The following SALL3 variants were observed in gnomAD, a reference collection of about 807,000 sequenced individuals.
SALL3 encodes the protein spalt like transcription factor 3.
SALL3 carries 25 observed loss-of-function variants against 66.2 expected under a neutral mutation model. The observed-to-expected ratio is 0.38, with a 90% CI of 0.28 to 0.53. The LOEUF is 0.53. Among genes scored for constraint, SALL3 ranks in the 20% least tolerant of loss-of-function variants. The pLI, the probability that SALL3 is intolerant of heterozygous loss-of-function variation, is 0.85. For synonymous variants in SALL3, 1,152 were observed against 899.1 expected, an observed-to-expected ratio of 1.28 and a Z score of -5.03; for missense variants, 2,194 against 1,916.5, an observed-to-expected ratio of 1.14 and a Z score of -2.70.
In SALL3 at chr18:78,998,112, C is replaced by T. The variant is rs567847953; in HGVS notation, c.*790C>T. ...AGCCCAATAACTGGGGAACGAGTTACAGACAAACATCACCGTAAATGACTC... is the reference window on the plus strand; with the variant it reads ...AGCCCAATAACTGGGGAACGAGTTATAGACAAACATCACCGTAAATGACTC... On this transcript the variant is annotated 3_prime_UTR_variant, in exon 3 of 3. Transcript: ENST00000537592. 1 of 150,522 alleles carries T rather than the reference C, an allele frequency of 6.6e-6. No individual in the cohort carries two copies. Among genetic ancestry groups the T allele is most frequent in the African/African-American group, 2.5e-5 (1 of 40,682 alleles). The allele number at this position is 150,522 out of a possible 1,614,324, so 9.3% of individuals were successfully genotyped here. A position where few individuals can be genotyped will look rare whatever the true frequency, so the allele number is the denominator to read the frequency against.
Position 78,993,719 on chromosome 18 carries a change from C to A in SALL3, c.1728C>A (p.Gly576=), listed in dbSNP as rs761787389. ...LSPGLNHVES[G]VSATAESPQS... is the part of the protein sequence containing the mutation. Reference sequence around the variant, plus strand: ...CAGGCCTCAACCACGTGGAGTCCGGCGTGTCGGCCACCGCCGAGTCCCCAC... The same window carrying A: ...CAGGCCTCAACCACGTGGAGTCCGGAGTGTCGGCCACCGCCGAGTCCCCAC... Residue 576 remains glycine, a synonymous_variant, in exon 2 of 3, where the codon GGC becomes GGA. Transcript: ENST00000537592. 1.3e-6 allele frequency: 2 copies of A among 1,554,554 alleles called. No homozygotes were observed. Among genetic ancestry groups the A allele is most frequent in the African/African-American group, 1.4e-5 (1 of 73,638 alleles).
chr18:78,982,181 G>A (rs1411760666), intron 1 of SALL3, among the ~76,000 whole-genome samples: 1 of 152,216 alleles, frequency 6.6e-6, no homozygotes, highest in Non-Finnish European at 1.5e-5. Context: ...TAGTGTAAAC[G>A]TGTGGAGGGC....
chr18:78,981,398 G>A lies in SALL3; in HGVS notation c.82+1042G>A, dbSNP rs541447184. 3.3e-5 allele frequency among the ~76,000 whole-genome samples: 5 copies of A among 152,342 alleles called. No individual in the cohort carries two copies. In the South Asian group the frequency reaches 1.0e-3, roughly 32 times the overall value. On this transcript the variant is annotated intron_variant, in intron 1 of 2. Transcript: ENST00000537592. ...ATTTGCTCCTTAAAAAAACAGGCAG[G>A]CCAACTTTTATGATTGACCTGTTAT...
In SALL3 at chr18:78,994,534, A is replaced by G; in HGVS notation, c.2543A>G (p.Lys848Arg). Residue 848 changes from lysine to arginine, a missense_variant, in exon 2 of 3, where the codon AAG (lysine) becomes AGG (arginine). Transcript: ENST00000537592. ...ATTGCCGCCCTGGAGAACCAGATGA[A>G]GATGATCGACTCGGTCATGAGCTGC... ...SSIAALENQM[K>R]MIDSVMSCQQ... 3 of 1,611,234 alleles carry G rather than the reference A, an allele frequency of 1.9e-6. No individual in the cohort carries two copies. Among genetic ancestry groups the G allele is most frequent in the Non-Finnish European group, 2.5e-6 (3 of 1,179,480 alleles).
At position 78,996,942 on chromosome 18, in the gene SALL3, C is replaced by G. The variant is rs756550099; in HGVS notation, c.3523C>G (p.Arg1175Gly). 6.2e-7 allele frequency: 1 copy of G among 1,613,318 alleles called. No homozygotes were observed. Among genetic ancestry groups the G allele is most frequent in the South Asian group, 1.1e-5 (1 of 91,076 alleles). ...TAACGCCCCCGCGAGACGCGGCCGC[C>G]GCCTGTCTGTGGAGAACCCCATGGC... is the stretch of plus-strand genomic sequence containing the variant. ...WNNAPARRGR[R>G]LSVENPMALL... The change falls in exon 3 of 3, where the codon CGC (arginine) becomes GGC (glycine). Residue 1175 changes from arginine to glycine, a missense_variant. By Grantham distance (125) the Arg-to-Gly change is moderately radical. Coordinates refer to ENST00000537592, the MANE Select transcript of SALL3 (RefSeq NM_171999.4).
chr18:78,986,800 T>C (rs1405983432), intron 1 of SALL3, among the ~76,000 whole-genome samples: 1 of 152,198 alleles, frequency 6.6e-6, no homozygotes, highest in Non-Finnish European at 1.5e-5. Flanking sequence ...GCAGCAAAAG[T>C]GTATTGAAGG....
At chr18:78,986,311 G>A (rs1466009409) in intron 1 of SALL3, among the ~76,000 whole-genome samples, 1 of 152,220 alleles carries the variant, frequency 6.6e-6, no homozygotes, top group Non-Finnish European at 1.5e-5. Flanking sequence ...CCATGGCGTC[G>A]ACGCGCGGGA....
chr18:78,981,026 G>C (rs1462954606), intron 1 of SALL3, among the ~76,000 whole-genome samples: 4 of 152,210 alleles, frequency 2.6e-5, no homozygotes, highest in Non-Finnish European at 4.4e-5. Context: ...TCGTTGCAGC[G>C]TCTGCGCGGG....
Position 78,993,535 on chromosome 18 carries a change from G to A in SALL3, c.1544G>A (p.Ser515Asn). ...AAGCCCGTGACCACCTGGCTGGACA[G>A]CAAGCCCGTGCTGCCCACCGTGCCC... Reference protein sequence around the residue: ...PEKPVTTWLDSKPVLPTVPTS... With the variant: ...PEKPVTTWLDNKPVLPTVPTS... Residue 515 changes from serine (S) to asparagine (N), a missense_variant, in exon 2 of 3, where the codon AGC becomes AAC. Coordinates refer to ENST00000537592, the MANE Select transcript of SALL3 (RefSeq NM_171999.4). 2 of 1,594,628 alleles carry A rather than the reference G, an allele frequency of 1.3e-6. No individual in the cohort carries two copies. Among genetic ancestry groups the A allele is most frequent in the Non-Finnish European group, 1.7e-6 (2 of 1,173,674 alleles).
rs1914597995 is a variant in SALL3 at position 78,994,351 on chromosome 18, A to G, written c.2360A>G (p.Asp787Gly). 1 of 1,613,536 alleles carries G rather than the reference A, an allele frequency of 6.2e-7. No homozygotes were observed. ...DAMDSELAYDDKNAETLSSYD... is the reference protein window; with the variant it reads ...DAMDSELAYDGKNAETLSSYD... ...ATGGACTCCGAGCTGGCCTACGACG[A>G]CAAGAACGCGGAGACCCTGAGCAGC... The change falls in exon 2 of 3, where the codon GAC becomes GGC. Residue 787 changes from aspartate (D) to glycine (G), a missense_variant. Physicochemically the swap from Asp to Gly is moderately conservative, Grantham distance 94 (BLOSUM62 -1). Coordinates refer to ENST00000537592, the MANE Select transcript of SALL3 (RefSeq NM_171999.4).
At chr18:78,985,332 A>G (rs1207224287) in intron 1 of SALL3, among the ~76,000 whole-genome samples, 3 of 152,192 alleles carry the variant, frequency 2.0e-5, no homozygotes, top group Non-Finnish European at 4.4e-5. Context: ...GTTCTTAAAG[A>G]AGAAGAGAAA....
chr18:78,997,481 T>C lies in SALL3; in HGVS notation c.*159T>C, dbSNP rs1169666160. On this transcript the variant is annotated 3_prime_UTR_variant, in exon 3 of 3. Coordinates refer to ENST00000537592, the MANE Select transcript of SALL3 (RefSeq NM_171999.4). The stretch of plus-strand genomic sequence containing the variant: ...TGGTCTTGTAAGCGCTGCATGGCGC[T>C]CCCTTCAACAGCAAGCCTGACTGTT... 4 of 657,274 alleles carry C rather than the reference T, an allele frequency of 6.1e-6. No homozygotes were observed. Among genetic ancestry groups the C allele is most frequent in the Non-Finnish European group, 1.0e-5 (4 of 387,436 alleles). 40.7% of individuals were successfully genotyped at this position (657,274 alleles called of 1,614,324 possible).
At chr18:78,985,544 G>A (rs997537057) in intron 1 of SALL3, among the ~76,000 whole-genome samples, 1 of 152,154 alleles carries the variant, frequency 6.6e-6, no homozygotes, top group African/African-American at 2.4e-5. Context: ...TTTCCAGGAT[G>A]ATTTTTTGCA....
At chr18:78,995,549 G>A (rs2741978) in intron 2 of SALL3, 87 bp downstream of exon 2, 4 of 1,468,698 alleles carry the variant, frequency 2.7e-6, no homozygotes, top group South Asian at 1.4e-5. Flanking sequence ...CACAGCGGCC[G>A]AGGTCCTGCT....
chr18:78,988,539 TCAGTC>T (rs1449013748), intron 1 of SALL3, among the ~76,000 whole-genome samples: 3 of 152,244 alleles, frequency 2.0e-5, no homozygotes, highest in African/African-American at 7.2e-5. Flanking sequence ...TACAACCAGT[TCAGTC>T]AAGTGCTTAC....
chr18:78,982,593 C>T (rs1004899132), intron 1 of SALL3, among the ~76,000 whole-genome samples: 4 of 152,130 alleles, frequency 2.6e-5, no homozygotes, highest in Non-Finnish European at 5.9e-5. Flanking sequence ...GTGTATTACT[C>T]GGTCGCACTC....
At chr18:78,983,807 C>G (rs1384107437) in intron 1 of SALL3, among the ~76,000 whole-genome samples, 2 of 152,114 alleles carry the variant, frequency 1.3e-5, no homozygotes, top group Non-Finnish European at 2.9e-5. Context: ...TTCTCTGAAA[C>G]ATGAAAGGTA....
rs376157992 is a variant in SALL3, at chr18:78,996,877, C to G, written c.3472-14C>G. 8.8e-6 allele frequency: 14 copies of G among 1,592,692 alleles called. No individual in the cohort carries two copies. In the Admixed American group the frequency reaches 2.4e-4, roughly 27 times the overall value. ...TAGGCACTTACTCGTGGGCTGTCTC[C>G]GTGTCTCGCGCAGGTGCACATGGGG... On this transcript the variant is annotated splice_polypyrimidine_tract_variant and intron_variant, in intron 2 of 2. Coordinates refer to ENST00000537592, the MANE Select transcript of SALL3 (RefSeq NM_171999.4).
chr18:78,996,816 G>A, intron 2 of SALL3, 75 bp from the exon 3 acceptor site: 1 of 1,452,048 alleles, frequency 6.9e-7, no homozygotes, highest in Admixed American at 2.3e-5. Context: ...ACCTCTGTCT[G>A]CTGCGCTGGA....
Sources: allele counts gnomAD v4.1 joint callset (sites outside exome capture counted in the v4.1 genomes callset), GRCh38; gene constraint gnomAD v4.1.1; transcripts MANE v1.5; gene names NCBI Gene and HGNC (gene_info 2026-07-23, HGNC 2026-07-21).